HECW2: variants seen among roughly 807,000 people sequenced by gnomAD.
HECW2 encodes HECT, C2 and WW domain containing E3 ubiquitin protein ligase 2.
A neutral mutation model predicts 175.2 loss-of-function variants in HECW2; 61 were observed. The observed-to-expected ratio is 0.35, with a 90% CI of 0.28 to 0.43. The LOEUF (loss-of-function observed/expected upper bound fraction) is 0.43. Among genes scored for constraint, HECW2 ranks in the 20% least tolerant of loss-of-function variants. The probability of loss-of-function intolerance (pLI) is 1.00; values close to 1 mark genes in which losing one functional copy is unlikely to be tolerated. For synonymous variants in HECW2, 671 were observed against 731.0 expected, an observed-to-expected ratio of 0.92 and a Z score of 1.32; for missense variants, 1,524 against 2,000.5, an observed-to-expected ratio of 0.76 and a Z score of 4.54.
chr2:196,512,735 G>A (rs899664311), intron 1 of HECW2, among the ~76,000 whole-genome samples: 4 of 151,854 alleles, frequency 2.6e-5, no homozygotes, highest in Non-Finnish European at 4.4e-5. Context: ...TGTCACCCAG[G>A]CTGCAGTGCA....
intron 14 of HECW2, 90 bp downstream of exon 14, chr2:196,292,475 T>G: frequency 9.3e-7 from 1 of 1,077,782 alleles, no homozygotes; most frequent in Non-Finnish European, 1.4e-6. Flanking sequence ...CAAAGAGCCT[T>G]GGCCCTCACT....
At chr2:196,305,513 T>C (rs1039298490) in intron 13 of HECW2, among the ~76,000 whole-genome samples, 2 of 152,220 alleles carry the variant, frequency 1.3e-5, no homozygotes, top group African/African-American at 4.8e-5. Context: ...TGACTTTTAT[T>C]TTTCTCTATG....
chr2:196,386,899 G>T (rs1694366706), intron 2 of HECW2, among the ~76,000 whole-genome samples: 1 of 152,142 alleles, frequency 6.6e-6, no homozygotes, highest in African/African-American at 2.4e-5. Flanking sequence ...GTAGTCGTTT[G>T]CTAGAACTAA....
At chr2:196,521,366 C>T in intron 1 of HECW2, among the ~76,000 whole-genome samples, 1 of 147,868 alleles carries the variant, frequency 6.8e-6, no homozygotes, top group South Asian at 2.2e-4. Context: ...CAGAAAATTT[C>T]TAATAGACAC....
intron 3 of HECW2, 129 bp from the exon 4 acceptor site, chr2:196,334,647 C>G (rs981503370): frequency 5.8e-6 from 4 of 691,108 alleles, no homozygotes; most frequent in African/African-American, 1.8e-5. Flanking sequence ...CTTTTTTCCA[C>G]TCAGCGCCAA....
At chr2:196,219,780 T>C (rs1202327783) in intron 26 of HECW2, among the ~76,000 whole-genome samples, 1 of 152,214 alleles carries the variant, frequency 6.6e-6, no homozygotes, top group Non-Finnish European at 1.5e-5. Flanking sequence ...ATTAGTGTTC[T>C]TACGGTCACA....
At chr2:196,273,104 T>C (rs1689808831) in intron 16 of HECW2, among the ~76,000 whole-genome samples, 1 of 141,922 alleles carries the variant, frequency 7.0e-6, no homozygotes, top group Non-Finnish European at 1.5e-5. Context: ...GGTCTTGCTC[T>C]GTCCCTAGGC....
chr2:196,497,067 T>C, intron 1 of HECW2, among the ~76,000 whole-genome samples: 1 of 152,182 alleles, frequency 6.6e-6, no homozygotes, highest in Admixed American at 6.5e-5. Flanking sequence ...GGATTGGTTT[T>C]CAGGAGCCCA....
At position 196,394,742 on chromosome 2, in the gene HECW2, T is replaced by C. The variant is rs1274309491; in HGVS notation, c.292+38390A>G. Among the ~76,000 whole-genome samples, 4 of 152,232 alleles carry C rather than the reference T, an allele frequency of 2.6e-5. No homozygotes were observed. In the East Asian group the frequency reaches 5.8e-4, roughly 22 times the overall value. ...TACTTCTAAAAATGTCTGCCATTCA[T>C]TGGGAAAAGGACAATCTTTTGAACA... On this transcript the variant is annotated intron_variant, in intron 2 of 28. Coordinates refer to ENST00000644978, the MANE Select transcript of HECW2 (RefSeq NM_001348768.2).
chr2:196,276,766 A>G (rs1362557683), intron 15 of HECW2, among the ~76,000 whole-genome samples: 1 of 152,198 alleles, frequency 6.6e-6, no homozygotes, highest in Non-Finnish European at 1.5e-5. Context: ...TTTGTATATC[A>G]TTTTTATATG....
intron 2 of HECW2, among the ~76,000 whole-genome samples, chr2:196,374,008 G>T (rs1463946989): frequency 2.0e-5 from 3 of 150,526 alleles, no homozygotes; most frequent in Admixed American, 6.6e-5. Context: ...CTCCAGCCTG[G>T]GCGACAGAGA....
chr2:196,350,335 G>A (rs1184306038), intron 2 of HECW2, among the ~76,000 whole-genome samples: 5 of 152,032 alleles, frequency 3.3e-5, no homozygotes, highest in African/African-American at 4.8e-5. Context: ...ACTGCACTCC[G>A]GCCTGGGCAA....
At chr2:196,443,975 C>CA (rs1295120440) in intron 1 of HECW2, among the ~76,000 whole-genome samples, 1 of 152,128 alleles carries the variant, frequency 6.6e-6, no homozygotes, top group Non-Finnish European at 1.5e-5. Flanking sequence ...GTGGTAGTGG[C>CA]AGTGAGCCGA....
At position 196,203,113 on chromosome 2, in the gene HECW2, A is replaced by G. The variant is rs75405308; in HGVS notation, c.4608-1725T>C. 0.023 allele frequency among the ~76,000 whole-genome samples: 3,456 copies of G among 152,216 alleles called. 226 individuals are homozygous for G. In the East Asian group the frequency reaches 0.26, roughly 11 times the overall value. On this transcript the variant is annotated intron_variant, in intron 28 of 28. Coordinates refer to ENST00000644978, the MANE Select transcript of HECW2 (RefSeq NM_001348768.2). ...TGGATTTTGGAGCATTTTAGATTTA[A>G]AATTTTTTGACTAGGGATACTCCAA...
intron 16 of HECW2, among the ~76,000 whole-genome samples, chr2:196,271,731 C>A (rs1689747686): frequency 6.6e-6 from 1 of 152,138 alleles, no homozygotes; most frequent in South Asian, 2.1e-4. Context: ...ATAGTGAGAA[C>A]TTGTTTCTAT....
intron 1 of HECW2, among the ~76,000 whole-genome samples, chr2:196,533,315 A>G (rs1688904770): frequency 6.6e-6 from 1 of 152,322 alleles, no homozygotes; most frequent in East Asian, 1.9e-4. Context: ...ACCTCTATCT[A>G]TTTCCAGTGT....
At chr2:196,270,751 A>C (rs1000014998) in intron 17 of HECW2, among the ~76,000 whole-genome samples, 1 of 151,428 alleles carries the variant, frequency 6.6e-6, no homozygotes, top group Non-Finnish European at 1.5e-5. Flanking sequence ...GCCAGGCTGG[A>C]GTGCAGTGGT....
chr2:196,229,315 GA>G (rs1280754255), intron 21 of HECW2, among the ~76,000 whole-genome samples: 2 of 148,374 alleles, frequency 1.3e-5, no homozygotes, highest in South Asian at 2.1e-4. Flanking sequence ...TTTTTTTAAT[GA>G]AAAAAAAATC....
intron 2 of HECW2, among the ~76,000 whole-genome samples, chr2:196,431,902 T>C (rs1285247649): frequency 6.6e-6 from 1 of 152,236 alleles, no homozygotes; most frequent in Non-Finnish European, 1.5e-5. Flanking sequence ...TCAAATGTTT[T>C]TATTTCAGTC....
Sources: gnomAD v4.1 joint callset for allele counts (sites outside exome capture counted in the v4.1 genomes callset) on GRCh38, gnomAD v4.1.1 for gene constraint, MANE v1.5 for transcripts, NCBI Gene and HGNC (gene_info 2026-07-23, HGNC 2026-07-21) for gene names.